The following SAMMSON variants were observed in gnomAD, a reference collection of about 807,000 sequenced individuals.
The protein encoded by SAMMSON is long intergenic non-protein coding RNA 1212.
At chr3:70,112,537 A>G (rs2067393927) in intron 4 of SAMMSON, among the ~76,000 whole-genome samples, 1 of 152,142 alleles carries the variant, frequency 6.6e-6, no homozygotes, top group African/African-American at 2.4e-5. Flanking sequence ...TATGGGAGAA[A>G]AGACTAATAT....
At chr3:70,174,091 A>G (rs572603889) in intron 4 of SAMMSON, among the ~76,000 whole-genome samples, 2 of 5,368 alleles carry the variant, frequency 3.7e-4, no homozygotes, top group South Asian at 0.059. Flanking sequence ...CATCTTGTCC[A>G]GCTTAATCTC....
At chr3:70,108,729 A>C (rs2106659377) in intron 4 of SAMMSON, among the ~76,000 whole-genome samples, 1 of 152,098 alleles carries the variant, frequency 6.6e-6, no homozygotes. Flanking sequence ...CACACAAAGA[A>C]GTCCTGTGAG....
At chr3:70,395,954 G>C (rs574138418) in intron 2 of SAMMSON, among the ~76,000 whole-genome samples, 47 of 152,212 alleles carry the variant, frequency 3.1e-4, no homozygotes, top group African/African-American at 9.6e-4. Flanking sequence ...GTGAATTCAT[G>C]CCTCTAAGCC....
At chr3:70,051,879 C>T (rs1198438185) in intron 3 of SAMMSON, among the ~76,000 whole-genome samples, 1 of 152,098 alleles carries the variant, frequency 6.6e-6, no homozygotes, top group Non-Finnish European at 1.5e-5. Flanking sequence ...AGGAAAATCA[C>T]TTGAACTCAG....
chr3:70,014,836 A>G (rs2066975223), intron 3 of SAMMSON: 1 of 152,158 alleles, frequency 6.6e-6, no homozygotes, highest in African/African-American at 2.4e-5. Flanking sequence ...GGTGTTAGTT[A>G]AAGATTCAGA....
chr3:70,118,760 G>T (rs916116679), intron 4 of SAMMSON, among the ~76,000 whole-genome samples: 1 of 152,126 alleles, frequency 6.6e-6, no homozygotes, highest in Non-Finnish European at 1.5e-5. Flanking sequence ...AACAACCTTT[G>T]TGAGGTAGCT....
At chr3:70,265,386 G>A (rs967771088) in intron 6 of SAMMSON, among the ~76,000 whole-genome samples, 2 of 152,138 alleles carry the variant, frequency 1.3e-5, no homozygotes, top group Non-Finnish European at 2.9e-5. Context: ...TGGAGCAAAG[G>A]TAAAGGAAGA....
At chr3:70,403,087 G>T (rs1166339106) in intron 2 of SAMMSON, among the ~76,000 whole-genome samples, 1 of 152,080 alleles carries the variant, frequency 6.6e-6, no homozygotes, top group Non-Finnish European at 1.5e-5. Flanking sequence ...CAGTGTGTTA[G>T]TTTAGGGAGG....
intron 6 of SAMMSON, among the ~76,000 whole-genome samples, chr3:70,280,178 C>G (rs1483102144): frequency 6.6e-6 from 1 of 152,030 alleles, no homozygotes; most frequent in Non-Finnish European, 1.5e-5. Flanking sequence ...AATCTCTGTC[C>G]CCATGGTTGT....
At chr3:70,203,579 T>C (rs1358044324) in intron 4 of SAMMSON, among the ~76,000 whole-genome samples, 1 of 152,122 alleles carries the variant, frequency 6.6e-6, no homozygotes. Flanking sequence ...TCTGAGCAAA[T>C]GAACTGAAAT....
intron 9 of SAMMSON, among the ~76,000 whole-genome samples, chr3:70,385,397 C>A (rs975591397): frequency 2.6e-5 from 4 of 152,062 alleles, no homozygotes; most frequent in African/African-American, 9.7e-5. Flanking sequence ...CAGAACATTT[C>A]ATTGTTGTAG....
intron 6 of SAMMSON, among the ~76,000 whole-genome samples, chr3:70,268,809 C>A (rs1701947919): frequency 1.3e-5 from 2 of 152,100 alleles, no homozygotes; most frequent in African/African-American, 4.8e-5. Context: ...TTTCCTTCAT[C>A]TACAAAACAA....
intron 4 of SAMMSON, among the ~76,000 whole-genome samples, chr3:70,145,250 A>G (rs1196392895): frequency 1.3e-5 from 2 of 152,148 alleles, no homozygotes; most frequent in South Asian, 4.1e-4. Context: ...CAAGTCCACA[A>G]TTGTAGTTGG....
rs538331973 is a variant in SAMMSON at position 70,178,402 on chromosome 3, T to G, written n.508-70705T>G. On this transcript the variant is annotated intron_variant and non_coding_transcript_variant, in intron 4 of 9. Coordinates refer to ENST00000642114, the Ensembl canonical transcript of SAMMSON. ...ATCCTGTTAAAGGACATACCCTGGCTGCTTGTCTCGGACCGAACAAGAATA... is the reference window on the plus strand; with the variant it reads ...ATCCTGTTAAAGGACATACCCTGGCGGCTTGTCTCGGACCGAACAAGAATA... 3.3e-5 allele frequency among the ~76,000 whole-genome samples: 5 copies of G among 152,324 alleles called. No homozygotes were observed. The South Asian group carries it at 1.0e-3, about 32-fold the overall frequency.
At chr3:70,066,153 A>G (rs2107593364) in intron 3 of SAMMSON, among the ~76,000 whole-genome samples, 1 of 152,236 alleles carries the variant, frequency 6.6e-6, no homozygotes, top group Non-Finnish European at 1.5e-5. Context: ...TCTAGTAGCT[A>G]TAAAAGTACA....
chr3:70,223,754 A>G (rs957917949), intron 4 of SAMMSON, among the ~76,000 whole-genome samples: 27 of 152,280 alleles, frequency 1.8e-4, no homozygotes, highest in Non-Finnish European at 2.2e-4. Flanking sequence ...GGTTGCATGC[A>G]ATCAATTTAA....
chr3:70,203,713 G>A lies in SAMMSON; in HGVS notation n.508-45394G>A, dbSNP rs117040528. ...GGTGTAATTAAGACTATTCTTTTGAGGTATCTTGTATTTATGATTTTCCTC... is the reference window on the plus strand; with the variant it reads ...GGTGTAATTAAGACTATTCTTTTGAAGTATCTTGTATTTATGATTTTCCTC... On this transcript the variant is annotated intron_variant and non_coding_transcript_variant, in intron 4 of 9. Transcript: ENST00000642114. Among the ~76,000 whole-genome samples, 1,025 of 152,100 alleles carry A rather than the reference G, an allele frequency of 6.7e-3. 58 individuals are homozygous for A. In the East Asian group the frequency reaches 0.15, roughly 22 times the overall value.
At chr3:70,034,166 G>A in intron 3 of SAMMSON, among the ~76,000 whole-genome samples, 1 of 152,192 alleles carries the variant, frequency 6.6e-6, no homozygotes, top group East Asian at 1.9e-4. Context: ...CCGTCTGTTT[G>A]AGCATCACAT....
At chr3:70,297,926 G>A (rs947098486) in intron 7 of SAMMSON, among the ~76,000 whole-genome samples, 8 of 152,066 alleles carry the variant, frequency 5.3e-5, no homozygotes, top group Non-Finnish European at 2.9e-5. Context: ...ATGGTTTAAA[G>A]CTTTTAGAGA....
Sources: gnomAD v4.1 joint callset for allele counts (sites outside exome capture counted in the v4.1 genomes callset) on GRCh38, gnomAD v4.1.1 for gene constraint, MANE v1.5 for transcripts, NCBI Gene and HGNC (gene_info 2026-07-23, HGNC 2026-07-21) for gene names.